ASB3: variants seen among roughly 807,000 people sequenced by gnomAD.
The protein encoded by ASB3 is ankyrin repeat and SOCS box protein 3.
In ASB3, 41 loss-of-function variants were observed where a neutral mutation model predicts 54.5. The ratio of observed to expected loss-of-function variants is 0.75; its 90% CI spans 0.59 to 0.98. The LOEUF (loss-of-function observed/expected upper bound fraction) is 0.98, where lower values mean the gene tolerates loss of function less well. Ranked by LOEUF, ASB3 falls within the 50% of genes least tolerant of loss-of-function variation. The probability of loss-of-function intolerance (pLI) is 0.00; values close to 1 mark genes in which losing one functional copy is unlikely to be tolerated. For synonymous variants in ASB3, 266 were observed against 221.2 expected (o/e 1.20, Z -1.80); for missense variants, 733 against 620.0 (o/e 1.18, Z -1.94).
intron 7 of ASB3, among the ~76,000 whole-genome samples, chr2:53,708,243 C>T (rs145306325): frequency 0.012 from 1,898 of 152,202 alleles, 47 homozygotes; most frequent in Admixed American, 0.071. Flanking sequence ...TGTGGCACCT[C>T]CCACACTCAC....
intron 5 of ASB3, among the ~76,000 whole-genome samples, chr2:53,717,290 C>A (rs2009142): frequency 0.25 from 37,286 of 151,926 alleles, 4,639 homozygotes; most frequent in Middle Eastern, 0.29. Flanking sequence ...CAAATTATGC[C>A]ACTAATTGAT....
chr2:53,700,605 G>A, intron 7 of ASB3, 77 bp from the exon 8 acceptor site: 1 of 1,510,100 alleles, frequency 6.6e-7, no homozygotes, highest in East Asian at 2.3e-5. Context: ...ACAGTTAATA[G>A]TAGTTACAGC....
At chr2:53,697,873 A>G (rs1669272684) in intron 8 of ASB3, among the ~76,000 whole-genome samples, 1 of 152,110 alleles carries the variant, frequency 6.6e-6, no homozygotes, top group Non-Finnish European at 1.5e-5. Context: ...TCCCACCCCT[A>G]TGGCGCCCCT....
At chr2:53,683,898 C>G (rs1668506398) in intron 9 of ASB3, among the ~76,000 whole-genome samples, 1 of 152,004 alleles carries the variant, frequency 6.6e-6, no homozygotes, top group Non-Finnish European at 1.5e-5. Context: ...TTCAAGAAAC[C>G]AACTGTTTGT....
intron 1 of ASB3, among the ~76,000 whole-genome samples, chr2:53,778,629 CAT>C (rs1196697299): frequency 6.6e-6 from 1 of 152,140 alleles, no homozygotes; most frequent in African/African-American, 2.4e-5. Flanking sequence ...TAAGTAAGCA[CAT>C]ATGTTGTTTG....
intron 1 of ASB3, among the ~76,000 whole-genome samples, chr2:53,773,805 C>G (rs949615503): frequency 2.7e-4 from 41 of 151,886 alleles, no homozygotes; most frequent in Admixed American, 6.6e-4. Context: ...GAGGCCGAGG[C>G]AGGTGGATCA....
chr2:53,750,109 C>G (rs1672436093), intron 3 of ASB3, among the ~76,000 whole-genome samples: 1 of 151,778 alleles, frequency 6.6e-6, no homozygotes, highest in African/African-American at 2.4e-5. Context: ...GTGGCAGGAC[C>G]AAAACTATAG....
At chr2:53,764,112 G>A (rs149488796) in intron 2 of ASB3, among the ~76,000 whole-genome samples, 52 of 152,220 alleles carry the variant, frequency 3.4e-4, no homozygotes, top group African/African-American at 1.1e-3. Context: ...CGTCCAGCAG[G>A]TAACAAATTA....
chr2:53,720,239 T>C (rs1309958477), intron 5 of ASB3, among the ~76,000 whole-genome samples: 1 of 152,168 alleles, frequency 6.6e-6, no homozygotes, highest in Non-Finnish European at 1.5e-5. Flanking sequence ...AGAACCAATG[T>C]ATATCTTATA....
Position 53,765,255 on chromosome 2 carries a change from A to G in ASB3, c.196+122T>C. On this transcript the variant is annotated intron_variant, in intron 2 of 9. Coordinates refer to ENST00000263634, the MANE Select transcript of ASB3 (RefSeq NM_016115.5). ...CTATCCTTAATAAATAAATTCAGGC[A>G]GTTATTTTATGACTATAGAAAGGGA... 5 of 1,329,684 alleles carry G rather than the reference A, an allele frequency of 3.8e-6. No individual in the cohort carries two copies. In the South Asian group the frequency reaches 7.3e-5, roughly 19 times the overall value. 82.4% of individuals were successfully genotyped at this position (1,329,684 alleles called of 1,614,324 possible).
At chr2:53,725,207 TCTTA>T (rs1670925844) in intron 5 of ASB3, among the ~76,000 whole-genome samples, 2 of 152,252 alleles carry the variant, frequency 1.3e-5, no homozygotes, top group Admixed American at 1.3e-4. Context: ...TACTGCATGT[TCTTA>T]CTTATAAGTG....
rs1324116721 is a variant in ASB3 at position 53,674,846 on chromosome 2, A to AAT, written c.1370-4157_1370-4156insAT. On this transcript the variant is annotated intron_variant, in intron 9 of 9. Transcript: ENST00000263634. ...ACTAAAACCGCTAGAAAAAACACAA[A>AAT]AAGCAAGTACCTGAGAACTCTGAAA... Among the ~76,000 whole-genome samples the AAT allele has an allele frequency of 3.1e-4, 47 of 152,316 alleles. No homozygotes were observed. In the East Asian group the frequency reaches 8.5e-3, roughly 27 times the overall value.
intron 7 of ASB3, among the ~76,000 whole-genome samples, chr2:53,707,646 C>CA (rs760618822): frequency 0.15 from 16,592 of 114,180 alleles, 1,167 homozygotes; most frequent in East Asian, 0.3. Flanking sequence ...GACTCCGTCT[C>CA]AAAAAAAAAA....
At chr2:53,700,587 T>A (rs1251802870) in intron 7 of ASB3, 59 bp from the exon 8 acceptor site, 1 of 1,543,068 alleles carries the variant, frequency 6.5e-7, no homozygotes, top group African/African-American at 1.4e-5. Flanking sequence ...ATAAGATACT[T>A]CTTACAAACA....
chr2:53,695,501 C>T (rs747453948), intron 8 of ASB3, among the ~76,000 whole-genome samples: 10 of 150,944 alleles, frequency 6.6e-5, no homozygotes, highest in Non-Finnish European at 1.2e-4. Flanking sequence ...TTTTTTTTAA[C>T]GATTTCATTT....
Position 53,684,925 on chromosome 2 carries a change from C to T in ASB3, c.1369+8959G>A, listed in dbSNP as rs535132888. ...AATTACTACAAGTATGAATCAATAA[C>T]GTTAAAAGGAGCAGGGGAGGAATGT... On this transcript the variant is annotated intron_variant, in intron 9 of 9. Transcript: ENST00000263634. Among the ~76,000 whole-genome samples, 161 of 152,172 alleles carry T rather than the reference C, an allele frequency of 1.1e-3. 1 individual carries two copies. The highest frequency in any genetic ancestry group is 3.8e-3 in the African/African-American group (159 of 41,520).
chr2:53,693,070 T>C (rs1030755070), intron 9 of ASB3, among the ~76,000 whole-genome samples: 2 of 152,222 alleles, frequency 1.3e-5, no homozygotes, highest in African/African-American at 4.8e-5. Context: ...ATAAGTTCAC[T>C]TGTTAAAAAC....
chr2:53,765,221 G>A (rs1302970270), intron 2 of ASB3, 156 bp downstream of exon 2: 4 of 654,432 alleles, frequency 6.1e-6, no homozygotes, highest in Non-Finnish European at 7.6e-6. Context: ...TCCAAGGCAG[G>A]CAATCTTACT....
At chr2:53,747,889 T>TG (rs1207110842) in intron 3 of ASB3, among the ~76,000 whole-genome samples, 1 of 152,224 alleles carries the variant, frequency 6.6e-6, no homozygotes, top group African/African-American at 2.4e-5. Context: ...TTTTCTACAC[T>TG]GGGGGATATA....
Sources: allele counts gnomAD v4.1 joint callset (sites outside exome capture counted in the v4.1 genomes callset), GRCh38; gene constraint gnomAD v4.1.1; transcripts MANE v1.5; gene names NCBI Gene and HGNC (gene_info 2026-07-23, HGNC 2026-07-21).